BCL2: variants seen among roughly 807,000 people sequenced by gnomAD.
The protein encoded by BCL2 is apoptosis regulator Bcl-2.
A neutral mutation model predicts 14.2 loss-of-function variants in BCL2; 1 was observed. The observed-to-expected ratio is 0.07, with a 90% CI of 0.02 to 0.33. The LOEUF (loss-of-function observed/expected upper bound fraction) is 0.33, where lower values mean the gene tolerates loss of function less well. Among genes scored for constraint, BCL2 ranks in the 10% least tolerant of loss-of-function variants. The probability of loss-of-function intolerance (pLI) is 0.99; values close to 1 mark genes in which losing one functional copy is unlikely to be tolerated. For missense variants in BCL2, 247 were observed against 305.9 expected, an observed-to-expected ratio of 0.81 and a Z score of 1.44; for synonymous variants, 151 against 137.2, an observed-to-expected ratio of 1.10 and a Z score of -0.70.
intron 2 of BCL2, chr18:63,315,013 G>A (rs1179375186): frequency 8.5e-5 from 13 of 152,148 alleles, no homozygotes; most frequent in Non-Finnish European, 1.5e-4. Context: ...GATCTTTAAG[G>A]CCACTGGAAG....
At chr18:63,213,872 AAGCCCC>A (rs1321762885) in intron 2 of BCL2, among the ~76,000 whole-genome samples, 2 of 152,140 alleles carry the variant, frequency 1.3e-5, no homozygotes, top group Non-Finnish European at 2.9e-5. Context: ...ACGCACAAGG[AAGCCCC>A]AGGCCCTCAG....
chr18:63,203,996 C>T (rs4987785), intron 2 of BCL2, among the ~76,000 whole-genome samples: 5 of 152,120 alleles, frequency 3.3e-5, no homozygotes, highest in Non-Finnish European at 5.9e-5. Flanking sequence ...AGCTCCTGCA[C>T]GAGTGACAGA....
At chr18:63,289,988 C>T (rs957921736) in intron 2 of BCL2, among the ~76,000 whole-genome samples, 4 of 151,938 alleles carry the variant, frequency 2.6e-5, no homozygotes, top group Non-Finnish European at 5.9e-5. Flanking sequence ...GAATGAATTC[C>T]CCTAGGGAAG....
At chr18:63,235,248 A>T (rs548378624) in intron 2 of BCL2, among the ~76,000 whole-genome samples, 1 of 152,344 alleles carries the variant, frequency 6.6e-6, no homozygotes, top group East Asian at 1.9e-4. Context: ...TTGGAGAGCA[A>T]TTTGGCAACA....
chr18:63,311,513 CTTGACACAGTGGG>C (rs1913318265), intron 2 of BCL2, among the ~76,000 whole-genome samples: 1 of 152,166 alleles, frequency 6.6e-6, no homozygotes, highest in Non-Finnish European at 1.5e-5. Context: ...TAAAGCTTCA[CTTGACACAGTGGG>C]TTCTCGGGTT....
At position 63,149,730 on chromosome 18, in the gene BCL2, AGAG is replaced by A. The variant is rs1173300134; in HGVS notation, c.586-20974_586-20972del. On this transcript the variant is annotated intron_variant, in intron 2 of 2. Coordinates refer to ENST00000333681, the MANE Select transcript of BCL2 (RefSeq NM_000633.3). The surrounding 1 kb of genome is among the most constrained non-coding windows in gnomAD (Gnocchi z 4.2). ...CGGCAGATGATTAACAGTGAAGAAG[AGAG>A]GAGATGTCACTAATAATATTGATTT... Among the ~76,000 whole-genome samples, 6 of 152,212 alleles carry A rather than the reference AGAG, an allele frequency of 3.9e-5. No individual in the cohort carries two copies. Among genetic ancestry groups the A allele is most frequent in the Non-Finnish European group, 8.8e-5 (6 of 68,036 alleles).
intron 2 of BCL2, among the ~76,000 whole-genome samples, chr18:63,226,295 T>C (rs566424144): frequency 8.5e-5 from 13 of 152,170 alleles, no homozygotes; most frequent in Non-Finnish European, 1.5e-4. Flanking sequence ...ATGGGTGGTT[T>C]TGGAAAAGGC....
rs2144324795 is a variant in BCL2, at chr18:63,318,483, A to G, written c.184T>C (p.Ser62Pro). 1 of 1,486,086 alleles carries G rather than the reference A, an allele frequency of 6.7e-7. No individual in the cohort carries two copies. 92.1% of individuals were successfully genotyped at this position (1,486,086 alleles called of 1,614,324 possible). The stretch of plus-strand genomic sequence containing the variant: ...GAGGTCCTGGCGACCGGGTCCCGGG[A>G]TGCGGCTGGATGGGGCGTGTGCCCG... Reference protein sequence around the residue: ...QPGHTPHPAASRDPVARTSPL... With the variant: ...QPGHTPHPAAPRDPVARTSPL... The change falls in exon 2 of 3, where the codon TCC (serine) becomes CCC (proline). Residue 62 changes from serine to proline, a missense_variant. By Grantham distance (74) the Ser-to-Pro change is moderately conservative. Around this residue, in one of 3 missense-constraint regions of BCL2, gnomAD observed 144 missense variants for 135.3 expected, o/e 1.06. Transcript: ENST00000333681. The surrounding 1 kb of genome is among the most constrained non-coding windows in gnomAD (Gnocchi z 7.4).
intron 2 of BCL2, among the ~76,000 whole-genome samples, chr18:63,279,944 C>A (rs1417170435): frequency 6.6e-6 from 1 of 152,172 alleles, no homozygotes; most frequent in African/African-American, 2.4e-5. Flanking sequence ...ATAATTTCTA[C>A]CTTTGGTGGA....
intron 2 of BCL2, among the ~76,000 whole-genome samples, chr18:63,140,508 C>T (rs919285154): frequency 2.6e-5 from 4 of 152,214 alleles, no homozygotes; most frequent in Non-Finnish European, 4.4e-5. Context: ...ACATGGATGA[C>T]CCTCAAAAAC....
chr18:63,154,221 A>C (rs1914719524), intron 2 of BCL2, among the ~76,000 whole-genome samples: 1 of 152,110 alleles, frequency 6.6e-6, no homozygotes, highest in Non-Finnish European at 1.5e-5. Context: ...CATCACTGTC[A>C]TCTCCACCTT....
chr18:63,252,174 G>A (rs907377763), intron 2 of BCL2, among the ~76,000 whole-genome samples: 1 of 152,052 alleles, frequency 6.6e-6, no homozygotes, highest in Non-Finnish European at 1.5e-5. Context: ...AGACACCAAT[G>A]AGATCTTCAT....
intron 2 of BCL2, among the ~76,000 whole-genome samples, chr18:63,206,172 T>A (rs1909831279): frequency 6.6e-6 from 1 of 152,196 alleles, no homozygotes; most frequent in Non-Finnish European, 1.5e-5. Flanking sequence ...TAAGTGTGCA[T>A]GCAGCACCAT....
At chr18:63,242,171 C>T (rs1416236746) in intron 2 of BCL2, among the ~76,000 whole-genome samples, 1 of 152,144 alleles carries the variant, frequency 6.6e-6, no homozygotes, top group Non-Finnish European at 1.5e-5. Flanking sequence ...CTCCTCAACA[C>T]CAGACCAAGT....
intron 2 of BCL2, among the ~76,000 whole-genome samples, chr18:63,176,291 C>T (rs1915346862): frequency 6.6e-6 from 1 of 152,240 alleles, no homozygotes; most frequent in Non-Finnish European, 1.5e-5. Context: ...CTGGCCAGTC[C>T]TTTCTGACAC....
In BCL2 at chr18:63,233,742, G is replaced by A. The variant is rs144912966; in HGVS notation, c.585+84340C>T. On this transcript the variant is annotated intron_variant, in intron 2 of 2. Transcript: ENST00000333681. ...ATGGCCTGGGGGCTGGGGACCCCTGGCTTATGACACATAATCACATAGCAA... is the reference window on the plus strand; with the variant it reads ...ATGGCCTGGGGGCTGGGGACCCCTGACTTATGACACATAATCACATAGCAA... 6.8e-4 allele frequency among the ~76,000 whole-genome samples: 103 copies of A among 152,254 alleles called. 1 individual carries two copies. Among genetic ancestry groups the A allele is most frequent in the African/African-American group, 2.3e-3 (95 of 41,540 alleles).
chr18:63,238,227 T>C (rs911062810), intron 2 of BCL2, among the ~76,000 whole-genome samples: 4 of 152,200 alleles, frequency 2.6e-5, no homozygotes, highest in Non-Finnish European at 4.4e-5. Flanking sequence ...TTCGTTGACC[T>C]CACAGGCGGC....
At chr18:63,249,961 A>G (rs1233680689) in intron 2 of BCL2, among the ~76,000 whole-genome samples, 1 of 152,174 alleles carries the variant, frequency 6.6e-6, no homozygotes, top group East Asian at 1.9e-4. Context: ...CGCACCGCAC[A>G]CTTGCACATA....
intron 2 of BCL2, among the ~76,000 whole-genome samples, chr18:63,274,787 A>T (rs906645041): frequency 6.6e-6 from 1 of 152,008 alleles, no homozygotes; most frequent in South Asian, 2.1e-4. Flanking sequence ...CCTTCCCCCA[A>T]ATGAAGAAGC....
Sources: gnomAD v4.1 joint callset for allele counts (sites outside exome capture counted in the v4.1 genomes callset) on GRCh38, gnomAD v4.1.1 for gene constraint, gnomAD v4.1.1 regional missense constraint, Gnocchi (gnomAD v3.1) non-coding constraint, MANE v1.5 for transcripts, NCBI Gene and HGNC (gene_info 2026-07-23, HGNC 2026-07-21) for gene names.